Variants in ITPR2 observed in about 807,000 individuals in gnomAD.
ITPR2 encodes the protein inositol 1,4,5-trisphosphate-gated calcium channel ITPR2.
A neutral mutation model predicts 317.1 loss-of-function variants in ITPR2; 207 were observed. The ratio of observed to expected loss-of-function variants is 0.65; its 90% CI spans 0.58 to 0.73. The LOEUF (loss-of-function observed/expected upper bound fraction) is 0.73. Ranked by LOEUF, ITPR2 falls within the 30% of genes least tolerant of loss-of-function variation. The pLI is 0.00. For missense variants in ITPR2, 2,613 were observed against 3,284.0 expected (o/e 0.80, Z 4.99); for synonymous variants, 1,156 against 1,149.1 (o/e 1.01, Z -0.12).
chr12:26,768,843 C>T (rs1448058013), intron 2 of ITPR2, among the ~76,000 whole-genome samples: 3 of 152,106 alleles, frequency 2.0e-5, no homozygotes, highest in Non-Finnish European at 2.9e-5. Context: ...CTAAACAGAG[C>T]TGAAGCTTCT....
At chr12:26,589,302 A>G (rs964677539) in intron 32 of ITPR2, among the ~76,000 whole-genome samples, 3 of 152,160 alleles carry the variant, frequency 2.0e-5, no homozygotes, top group Admixed American at 6.6e-5. Context: ...ATGGGTCTTA[A>G]CAAGATAAGA....
chr12:26,504,925 C>G (rs1184670632), intron 37 of ITPR2, among the ~76,000 whole-genome samples: 1 of 152,060 alleles, frequency 6.6e-6, no homozygotes, highest in East Asian at 1.9e-4. Context: ...CACACAACTA[C>G]TTTCATGAAT....
At chr12:26,355,276 T>C (rs1450014162) in intron 55 of ITPR2, among the ~76,000 whole-genome samples, 1 of 152,192 alleles carries the variant, frequency 6.6e-6, no homozygotes, top group Non-Finnish European at 1.5e-5. Flanking sequence ...GCTAAATAGG[T>C]ACACATTGGA....
At chr12:26,582,580 A>T (rs1223535159) in intron 32 of ITPR2, among the ~76,000 whole-genome samples, 1 of 152,094 alleles carries the variant, frequency 6.6e-6, no homozygotes, top group Non-Finnish European at 1.5e-5. Context: ...TCATTTTCTT[A>T]TCTTCTTAGT....
intron 37 of ITPR2, among the ~76,000 whole-genome samples, chr12:26,496,416 G>A (rs1319330554): frequency 6.6e-6 from 1 of 152,104 alleles, no homozygotes; most frequent in African/African-American, 2.4e-5. Flanking sequence ...ATTATCCTCA[G>A]TTCTTTTGTT....
intron 39 of ITPR2, among the ~76,000 whole-genome samples, chr12:26,491,926 G>C (rs1372342616): frequency 6.6e-6 from 1 of 152,162 alleles, no homozygotes; most frequent in East Asian, 1.9e-4. Context: ...CTGGAAGACA[G>C]CTGGATACAT....
intron 52 of ITPR2, among the ~76,000 whole-genome samples, chr12:26,406,907 T>C (rs1221559140): frequency 1.3e-5 from 2 of 152,222 alleles, no homozygotes; most frequent in Non-Finnish European, 2.9e-5. Flanking sequence ...AAACAGTAGA[T>C]TAATACAGGC....
chr12:26,361,863 C>T (rs1938840940), intron 55 of ITPR2, among the ~76,000 whole-genome samples: 1 of 152,152 alleles, frequency 6.6e-6, no homozygotes. Context: ...TTAGAAAGAT[C>T]TTATTTATAC....
At chr12:26,802,856 C>T (rs1356395780) in intron 1 of ITPR2, among the ~76,000 whole-genome samples, 1 of 151,994 alleles carries the variant, frequency 6.6e-6, no homozygotes, top group African/African-American at 2.4e-5. Flanking sequence ...GAGATTTCAA[C>T]ACACTGCTTA....
intron 55 of ITPR2, among the ~76,000 whole-genome samples, chr12:26,342,872 G>T (rs1938180353): frequency 6.6e-6 from 1 of 151,850 alleles, no homozygotes; most frequent in South Asian, 2.1e-4. Flanking sequence ...GCTTCCCAAA[G>T]TTCTGGGATT....
chr12:26,519,531 T>C (rs1943612439), intron 37 of ITPR2, among the ~76,000 whole-genome samples: 1 of 152,318 alleles, frequency 6.6e-6, no homozygotes, highest in South Asian at 2.1e-4. Flanking sequence ...AAATAAAATA[T>C]ATTTATCTTG....
At chr12:26,667,073 C>G (rs940380567) in intron 13 of ITPR2, among the ~76,000 whole-genome samples, 2 of 152,128 alleles carry the variant, frequency 1.3e-5, no homozygotes, top group African/African-American at 4.8e-5. Flanking sequence ...TTAGCTTCAT[C>G]CATATAGTGT....
chr12:26,392,767 T>C (rs970702564), intron 54 of ITPR2, among the ~76,000 whole-genome samples: 1 of 152,202 alleles, frequency 6.6e-6, no homozygotes, highest in African/African-American at 2.4e-5. Flanking sequence ...TTATGATACT[T>C]GAATGACTGA....
At chr12:26,354,486 C>T (rs1247181948) in intron 55 of ITPR2, among the ~76,000 whole-genome samples, 2 of 152,132 alleles carry the variant, frequency 1.3e-5, no homozygotes, top group East Asian at 1.9e-4. Context: ...CAGAGCGTTA[C>T]CTGCTGTCAT....
chr12:26,774,676 A>G (rs770388351), intron 2 of ITPR2, among the ~76,000 whole-genome samples: 6 of 152,208 alleles, frequency 3.9e-5, no homozygotes, highest in Non-Finnish European at 7.3e-5. Flanking sequence ...AATTCTGACG[A>G]TCCACAAGAA....
At chr12:26,366,114 T>C (rs117363128) in intron 55 of ITPR2, among the ~76,000 whole-genome samples, 36 of 152,142 alleles carry the variant, frequency 2.4e-4, no homozygotes, top group Non-Finnish European at 4.3e-4. Context: ...CATGAAACAG[T>C]GTAGCCTGCT....
At chr12:26,716,339 T>C in intron 5 of ITPR2, 97 bp from the exon 6 acceptor site, 1 of 698,808 alleles carries the variant, frequency 1.4e-6, no homozygotes. Flanking sequence ...CCATTATTGA[T>C]CTGACATCTG....
intron 10 of ITPR2, among the ~76,000 whole-genome samples, chr12:26,693,334 T>C (rs1948275118): frequency 6.6e-6 from 1 of 152,196 alleles, no homozygotes; most frequent in Non-Finnish European, 1.5e-5. Context: ...AACTAAAAGC[T>C]TGATTAACAG....
chr12:26,457,850 A>C (rs969871919), intron 45 of ITPR2, among the ~76,000 whole-genome samples: 2 of 152,206 alleles, frequency 1.3e-5, no homozygotes, highest in Non-Finnish European at 2.9e-5. Flanking sequence ...TCCTAAGGGT[A>C]CTTTATGAAT....
Sources: allele counts gnomAD v4.1 joint callset (sites outside exome capture counted in the v4.1 genomes callset), GRCh38; gene constraint gnomAD v4.1.1; transcripts MANE v1.5; gene names NCBI Gene and HGNC (gene_info 2026-07-23, HGNC 2026-07-21).